Variants in IGSF10 observed in about 807,000 individuals in gnomAD.
IGSF10 encodes the protein calvaria mechanical force protein 608.
In IGSF10, 126 loss-of-function variants were observed where a neutral mutation model predicts 128.2. The ratio of observed to expected loss-of-function variants is 0.98; its 90% CI spans 0.85 to 1.14. IGSF10 has a LOEUF of 1.14. Ranked by LOEUF, IGSF10 falls within the 50% of genes most tolerant of loss-of-function variation. The pLI is 0.00. For missense variants in IGSF10, 3,295 were observed against 3,149.8 expected (o/e 1.05, Z -1.10); for synonymous variants, 1,185 against 1,146.2 (o/e 1.03, Z -0.68).
In IGSF10 at chr3:151,437,900, C is replaced by A; in HGVS notation, c.6661G>T (p.Asp2221Tyr). The change falls in exon 8 of 8, where the codon GAT (aspartate) becomes TAT (tyrosine). Residue 2221 changes from aspartate (D) to tyrosine (Y), a missense_variant. By Grantham distance (160) the Asp-to-Tyr change is radical. Transcript: ENST00000282466. ...TCCAGTTTGTACATTTTGGTGTCAT[C>A]CCCACTGGGATTTCGGGCTACACAT... is the stretch of plus-strand genomic sequence containing the variant. The part of the protein sequence containing the change: ...YVCVARNPSG[D>Y]DTKMYKLDVV... 6.2e-7 allele frequency: 1 copy of A among 1,614,108 alleles called. No homozygotes were observed. The highest frequency in any genetic ancestry group is 8.5e-7 in the Non-Finnish European group (1 of 1,179,970).
At chr3:151,468,418 T>A in the IGSF10 span, among the ~76,000 whole-genome samples, 2 of 151,998 alleles carry the variant, frequency 1.3e-5, no homozygotes, top group African/African-American at 2.4e-5. Context: ...AACCAGGGCA[T>A]TGGAAAAGGG....
In IGSF10 at chr3:151,438,136, C is replaced by T. The variant is rs1178379032; in HGVS notation, c.6425G>A (p.Arg2142Gln). The T allele has an allele frequency of 9.9e-6, 16 of 1,614,008 alleles. No homozygotes were observed. The highest frequency in any genetic ancestry group is 4.5e-5 in the East Asian group (2 of 44,894). Residue 2142 changes from arginine to glutamine, a missense_variant, in exon 8 of 8, where the codon CGG becomes CAG. Physicochemically the swap from Arg to Gln is conservative, Grantham distance 43. Transcript: ENST00000282466. Reference protein sequence around the residue: ...VHLTVITAAPRIRQSNKTNKR... With the variant: ...VHLTVITAAPQIRQSNKTNKR... The stretch of plus-strand genomic sequence containing the variant: ...GTTGGTTTTGTTACTCTGCCTTATC[C>T]GGGGAGCAGCTGTTATAACTGTTAA...
chr3:151,448,463 G>C lies in IGSF10; in HGVS notation c.1518C>G (p.His506Gln), dbSNP rs759766566. Residue 506 changes from histidine to glutamine, a missense_variant, in exon 6 of 8, where the codon CAC becomes CAG. Coordinates refer to ENST00000282466, the MANE Select transcript of IGSF10 (RefSeq NM_178822.5). ...NCPGQGDPTP[H>Q]VDWLLADGSK... The stretch of plus-strand genomic sequence containing the variant: ...TTCCATCAGCTAGAAGCCAATCCAC[G>C]TGTGGGGTGGGGTCTCCTTGGCCTG... 1.2e-6 allele frequency: 2 copies of C among 1,614,170 alleles called. No homozygotes were observed. The highest frequency in any genetic ancestry group is 1.7e-6 in the Non-Finnish European group (2 of 1,180,006).
the IGSF10 span, among the ~76,000 whole-genome samples, chr3:151,569,903 G>T: frequency 8.8e-6 from 1 of 113,024 alleles, no homozygotes; most frequent in African/African-American, 3.4e-5. Flanking sequence ...CCCATGACAA[G>T]CCCCAGTGTG....
At chr3:151,504,051 T>C in the IGSF10 span, among the ~76,000 whole-genome samples, 1 of 152,150 alleles carries the variant, frequency 6.6e-6, no homozygotes. Context: ...TCTGGCTGCA[T>C]GACACCAAAA....
chr3:151,479,904 A>G, the IGSF10 span, among the ~76,000 whole-genome samples: 1 of 152,166 alleles, frequency 6.6e-6, no homozygotes, highest in African/African-American at 2.4e-5. Context: ...ATTATCATGA[A>G]GAGACACAGT....
the IGSF10 span, among the ~76,000 whole-genome samples, chr3:151,483,777 T>C: frequency 0.021 from 3,158 of 152,326 alleles, 101 homozygotes; most frequent in African/African-American, 0.072. Context: ...GCCCAGATAC[T>C]GAGCTTTTCC....
At chr3:151,553,211 T>C in the IGSF10 span, among the ~76,000 whole-genome samples, 1 of 152,156 alleles carries the variant, frequency 6.6e-6, no homozygotes, top group Non-Finnish European at 1.5e-5. Flanking sequence ...TTTGGATAGA[T>C]GGTAATATAA....
intron 5 of IGSF10, among the ~76,000 whole-genome samples, chr3:151,450,965 CCTA>C (rs1721485230): frequency 6.7e-6 from 1 of 149,950 alleles, no homozygotes; most frequent in Non-Finnish European, 1.5e-5. Flanking sequence ...TATTCCTTTA[CCTA>C]CTTATCAGTA....
chr3:151,437,642 C>G lies in IGSF10; in HGVS notation c.6919G>C (p.Asp2307His), dbSNP rs529047696. 6.2e-7 allele frequency: 1 copy of G among 1,614,202 alleles called. No individual in the cohort carries two copies. The highest frequency in any genetic ancestry group is 1.3e-5 in the African/African-American group (1 of 75,048). Residue 2307 changes from aspartate (D) to histidine (H), a missense_variant, in exon 8 of 8, where the codon GAT becomes CAT. Asp to His is a moderately conservative substitution (Grantham distance 81). Coordinates refer to ENST00000282466, the MANE Select transcript of IGSF10 (RefSeq NM_178822.5). ...GCCACACAGATAAAGTCGGCTGAATCTGAAAGCCTCACATTCCTAATTTCC... is the reference window on the plus strand; with the variant it reads ...GCCACACAGATAAAGTCGGCTGAATGTGAAAGCCTCACATTCCTAATTTCC... Reference protein sequence around the residue: ...TLEIRNVRLSDSADFICVARN... With the variant: ...TLEIRNVRLSHSADFICVARN...
chr3:151,506,201 C>T, the IGSF10 span, among the ~76,000 whole-genome samples: 1 of 152,168 alleles, frequency 6.6e-6, no homozygotes, highest in Non-Finnish European at 1.5e-5. Context: ...GTGCCACCCA[C>T]CTTGGCCTCC....
chr3:151,443,431 G>A lies in IGSF10; in HGVS notation c.5516C>T (p.Ala1839Val), dbSNP rs745958449. Residue 1839 changes from alanine to valine, a missense_variant, in exon 7 of 8, where the codon GCA (alanine) becomes GTA (valine). By Grantham distance (64) the Ala-to-Val change is moderately conservative. Transcript: ENST00000282466. ...TTGCTCTAGAATAACAGGTGGTGCT[G>A]CAATGACTTGTATTTTAACCAGCAG... ...DSLLVKIQVI[A>V]APPVILEQRR... 3 of 1,614,206 alleles carry A rather than the reference G, an allele frequency of 1.9e-6. No individual in the cohort carries two copies. In the Admixed American group the frequency reaches 5.0e-5, roughly 27 times the overall value.
At position 151,446,947 on chromosome 3, in the gene IGSF10, T is replaced by C; in HGVS notation, c.3034A>G (p.Arg1012Gly). ...CCCCTTCCGCCAATTTTCCTCTGCC[T>C]CCCAAAGCGTCTGAACAGCGGGATG... ...VNIPLFRRFG[R>G]QRKIGGRGRI... The change falls in exon 6 of 8, where the codon AGG becomes GGG. Residue 1012 changes from arginine to glycine, a missense_variant. Transcript: ENST00000282466. 1 of 1,614,180 alleles carries C rather than the reference T, an allele frequency of 6.2e-7. No individual in the cohort carries two copies. The highest frequency in any genetic ancestry group is 8.5e-7 in the Non-Finnish European group (1 of 1,180,040).
At chr3:151,619,084 A>G in the IGSF10 span, among the ~76,000 whole-genome samples, 1 of 151,806 alleles carries the variant, frequency 6.6e-6, no homozygotes. Context: ...TAAATAAAAT[A>G]TAATGTAAAT....
Position 151,436,674 on chromosome 3 carries a change from CTT to C in IGSF10, c.*13_*14del. 6.5e-7 allele frequency: 1 copy of C among 1,546,072 alleles called. No homozygotes were observed. The highest frequency in any genetic ancestry group is 8.8e-7 in the Non-Finnish European group (1 of 1,140,854). On this transcript the variant is annotated 3_prime_UTR_variant, in exon 8 of 8. Transcript: ENST00000282466. Reference sequence around the variant, plus strand: ...ATAAATTCTGCCCAGATGTTGTTGACTTTATTATTTCATGTCAGATTACTTGA... The same window carrying C: ...ATAAATTCTGCCCAGATGTTGTTGACTATTATTTCATGTCAGATTACTTGA...
chr3:151,543,933 G>A, the IGSF10 span, among the ~76,000 whole-genome samples: 29 of 152,222 alleles, frequency 1.9e-4, no homozygotes, highest in African/African-American at 5.3e-4. Flanking sequence ...TTATTGAGAC[G>A]GAGTTTTACT....
At chr3:151,590,598 C>A in the IGSF10 span, among the ~76,000 whole-genome samples, 2 of 152,056 alleles carry the variant, frequency 1.3e-5, no homozygotes, top group South Asian at 4.2e-4. Flanking sequence ...ACCATGGTTG[C>A]ACAGGAAAAA....
At position 151,446,505 on chromosome 3, in the gene IGSF10, T is replaced by A; in HGVS notation, c.3476A>T (p.Asn1159Ile). 1 of 1,614,172 alleles carries A rather than the reference T, an allele frequency of 6.2e-7. No individual in the cohort carries two copies. Among genetic ancestry groups the A allele is most frequent in the Non-Finnish European group, 8.5e-7 (1 of 1,180,022 alleles). The change falls in exon 6 of 8, where the codon AAC (asparagine) becomes ATC (isoleucine). Residue 1159 changes from asparagine (N) to isoleucine (I), a missense_variant. By Grantham distance (149) the Asn-to-Ile change is moderately radical. Coordinates refer to ENST00000282466, the MANE Select transcript of IGSF10 (RefSeq NM_178822.5). ...GCTAGACACACGTGGGTAACTGGCG[T>A]TTACTTTGTGAGTTTTTTCCATGGG... Reference protein sequence around the residue: ...SIPMEKTHKVNASYPRVSSTN... With the variant: ...SIPMEKTHKVIASYPRVSSTN...
the IGSF10 span, among the ~76,000 whole-genome samples, chr3:151,579,735 C>T: frequency 1.3e-5 from 2 of 151,744 alleles, no homozygotes; most frequent in Non-Finnish European, 2.9e-5. Flanking sequence ...AAGATAATGG[C>T]TGAGTGTTTC....
Sources: gnomAD v4.1 joint callset for allele counts (sites outside exome capture counted in the v4.1 genomes callset) on GRCh38, gnomAD v4.1.1 for gene constraint, MANE v1.5 for transcripts, NCBI Gene and HGNC (gene_info 2026-07-23, HGNC 2026-07-21) for gene names.